The following EXTL2 variants were observed in gnomAD, a reference collection of about 807,000 sequenced individuals.
EXTL2 encodes exostosin like glycosyltransferase 2, also known as exostosin-like 2.
In EXTL2, 23 loss-of-function variants were observed where a neutral mutation model predicts 30.7. The ratio of observed to expected loss-of-function variants is 0.75; its 90% CI spans 0.54 to 1.06. EXTL2 has a LOEUF of 1.06. EXTL2 is among the 50% of genes least tolerant of loss of function. The pLI is 0.00. For synonymous variants in EXTL2, 123 were observed against 133.8 expected (o/e 0.92, Z 0.56); for missense variants, 352 against 396.3 (o/e 0.89, Z 0.95).
chr1:100,892,224 C>G (rs1650483783), intron 1 of EXTL2, among the ~76,000 whole-genome samples: 1 of 152,158 alleles, frequency 6.6e-6, no homozygotes, highest in African/African-American at 2.4e-5. Context: ...TCAGGAAGAC[C>G]CACTCACAAT....
intron 2 of EXTL2, among the ~76,000 whole-genome samples, chr1:100,883,560 A>C (rs1330375486): frequency 6.6e-6 from 1 of 152,218 alleles, no homozygotes; most frequent in African/African-American, 2.4e-5. Context: ...TGCTGTATAT[A>C]TCATGAGGTA....
At chr1:100,886,146 G>C (rs1570469518) in intron 2 of EXTL2, among the ~76,000 whole-genome samples, 1 of 152,108 alleles carries the variant, frequency 6.6e-6, no homozygotes, top group African/African-American at 2.4e-5. Context: ...CTTTTCTATT[G>C]ACAATAGAAT....
intron 4 of EXTL2, among the ~76,000 whole-genome samples, chr1:100,876,113 G>A (rs1470645820): frequency 1.3e-5 from 2 of 152,060 alleles, no homozygotes; most frequent in African/African-American, 2.4e-5. Flanking sequence ...TTACTGGGTA[G>A]CACAGTGTTT....
At chr1:100,878,063 T>A (rs1430250748) in intron 2 of EXTL2, among the ~76,000 whole-genome samples, 160 bp from the exon 3 acceptor site, 1 of 152,124 alleles carries the variant, frequency 6.6e-6, no homozygotes, top group Non-Finnish European at 1.5e-5. Context: ...TAAGAGATTT[T>A]AAAAAACCAG....
Position 100,874,357 on chromosome 1 carries a change from C to G in EXTL2, c.578G>C (p.Gly193Ala). 6.2e-7 allele frequency: 1 copy of G among 1,612,686 alleles called. No homozygotes were observed. Among genetic ancestry groups the G allele is most frequent in the Non-Finnish European group, 8.5e-7 (1 of 1,179,228 alleles). Reference protein sequence around the residue: ...VSTSSGIYSYGSFEMQAPGSG... With the variant: ...VSTSSGIYSYASFEMQAPGSG... ...CCCTGGTGCTTGCATTTCAAAACTT[C>G]CATAACTGTAGATACCTGATGAAGT... The change falls in exon 5 of 5, where the codon GGA becomes GCA. Residue 193 changes from glycine (G) to alanine (A), a missense_variant. Transcript: ENST00000370114.
At chr1:100,892,643 A>G (rs1650521206) in intron 1 of EXTL2, among the ~76,000 whole-genome samples, 1 of 152,168 alleles carries the variant, frequency 6.6e-6, no homozygotes, top group Non-Finnish European at 1.5e-5. Context: ...CTGTCCCTCC[A>G]GAGAACCCTA....
At chr1:100,875,350 C>T (rs1325671277) in intron 4 of EXTL2, among the ~76,000 whole-genome samples, 4 of 151,680 alleles carry the variant, frequency 2.6e-5, no homozygotes, top group African/African-American at 9.7e-5. Flanking sequence ...AAATACAATA[C>T]TGTGAGAAAG....
At chr1:100,880,521 A>G (rs569274722) in intron 2 of EXTL2, among the ~76,000 whole-genome samples, 1 of 152,338 alleles carries the variant, frequency 6.6e-6, no homozygotes, top group Non-Finnish European at 1.5e-5. Context: ...TTACAAGGAT[A>G]ATAACTTAAA....
intron 2 of EXTL2, among the ~76,000 whole-genome samples, chr1:100,882,535 CG>C (rs1649642211): frequency 6.6e-6 from 1 of 152,218 alleles, no homozygotes; most frequent in Non-Finnish European, 1.5e-5. Context: ...AAAACTGCCC[CG>C]GGAGGCCCAG....
At chr1:100,883,952 A>G (rs1649761684) in intron 2 of EXTL2, among the ~76,000 whole-genome samples, 1 of 152,214 alleles carries the variant, frequency 6.6e-6, no homozygotes, top group South Asian at 2.1e-4. Flanking sequence ...TAAATGGACC[A>G]GGCAATTTGA....
intron 1 of EXTL2, among the ~76,000 whole-genome samples, chr1:100,889,684 G>A (rs1290177629): frequency 6.6e-6 from 1 of 152,204 alleles, no homozygotes; most frequent in Non-Finnish European, 1.5e-5. Context: ...AGGGGCCACA[G>A]GCCCCATGCA....
At chr1:100,881,298 GA>G (rs1379437543) in intron 2 of EXTL2, among the ~76,000 whole-genome samples, 3 of 152,202 alleles carry the variant, frequency 2.0e-5, no homozygotes, top group South Asian at 4.1e-4. Flanking sequence ...ACAATTTGGA[GA>G]ATAATGATGA....
chr1:100,877,481 G>C lies in EXTL2; in HGVS notation c.428C>G (p.Thr143Ser). The C allele has an allele frequency of 6.3e-7, 1 of 1,588,330 alleles. No homozygotes were observed. Among genetic ancestry groups the C allele is most frequent in the Non-Finnish European group, 8.6e-7 (1 of 1,167,480 alleles). The change falls in exon 3 of 5, where the codon ACC becomes AGC. Residue 143 changes from threonine (T) to serine (S), a missense_variant. Transcript: ENST00000370114. The surrounding 1 kb of genome is among the most constrained non-coding windows in gnomAD (Gnocchi z 4.1). ...NRLQVFPELE[T>S]NAVLMVDDDT... The stretch of plus-strand genomic sequence containing the variant: ...AGAACTACACTGCAACTCACCATTG[G>C]TTTCCAGTTCAGGAAAGACCTGGAG...
Position 100,876,005 on chromosome 1 carries a change from A to C in EXTL2, c.504+789T>G, listed in dbSNP as rs188716504. 5.3e-3 allele frequency among the ~76,000 whole-genome samples: 812 copies of C among 152,228 alleles called. 1 individual carries two copies. The highest frequency in any genetic ancestry group is 7.0e-3 in the Non-Finnish European group (475 of 67,988). On this transcript the variant is annotated intron_variant, in intron 4 of 4. Coordinates refer to ENST00000370114, the MANE Select transcript of EXTL2 (RefSeq NM_001033025.3). ...AAAAACTGAAGTTTTAAAAATGCTG[A>C]TATCTGCTGAGTATTGTGATCACTT...
chr1:100,887,782 C>A (rs1306270407), intron 2 of EXTL2, among the ~76,000 whole-genome samples: 1 of 152,080 alleles, frequency 6.6e-6, no homozygotes, highest in African/African-American at 2.4e-5. Context: ...CGGCTCACTG[C>A]AAGCTCCGCC....
In EXTL2 at chr1:100,874,438, G is replaced by A. The variant is rs770304647; in HGVS notation, c.505-8C>T. On this transcript the variant is annotated splice_polypyrimidine_tract_variant and splice_region_variant and intron_variant, in intron 4 of 4. Coordinates refer to ENST00000370114, the MANE Select transcript of EXTL2 (RefSeq NM_001033025.3). ...AATTTGATCAGGAAATTGCTGAAAAGAGGGAAAAAGAACAATAAAATGTCA... is the reference window on the plus strand; with the variant it reads ...AATTTGATCAGGAAATTGCTGAAAAAAGGGAAAAAGAACAATAAAATGTCA... 24 of 1,563,882 alleles carry A rather than the reference G, an allele frequency of 1.5e-5. No homozygotes were observed. The highest frequency in any genetic ancestry group is 2.1e-5 in the Non-Finnish European group (24 of 1,155,232).
At chr1:100,889,361 G>A (rs766996735) in intron 1 of EXTL2, among the ~76,000 whole-genome samples, 6 of 152,176 alleles carry the variant, frequency 3.9e-5, no homozygotes, top group Non-Finnish European at 8.8e-5. Context: ...CCCACAACAA[G>A]TGGGGATTAT....
Position 100,877,823 on chromosome 1 carries a change from A to C in EXTL2, c.86T>G (p.Leu29Ter). The change falls in exon 3 of 5, where the codon TTA becomes TGA. Residue 29 changes from leucine to a stop codon, truncating the protein, a stop_gained. Coordinates refer to ENST00000370114, the MANE Select transcript of EXTL2 (RefSeq NM_001033025.3). LOFTEE classifies it high-confidence loss of function. This position sits in a 1 kb window ranked among gnomAD's most constrained non-coding sequence, Gnocchi z 4.1. ...LRLSLVVILV[L>*]LLVAGALTAL... is the part of the protein sequence containing the mutation. ...AGTCAAAGCACCAGCTACCAGTAAT[A>C]ATACGAGGATGACCACCAAAGATAA... 6.2e-7 allele frequency: 1 copy of C among 1,604,664 alleles called. No individual in the cohort carries two copies.
At chr1:100,876,941 T>A (rs2295280) in intron 3 of EXTL2, 77 bp from the exon 4 acceptor site, 1 of 888,500 alleles carries the variant, frequency 1.1e-6, no homozygotes, top group Non-Finnish European at 1.9e-6. Flanking sequence ...ATAGTGTCTA[T>A]ATAGATCATT....
Sources: gnomAD v4.1 joint callset for allele counts (sites outside exome capture counted in the v4.1 genomes callset) on GRCh38, gnomAD v4.1.1 for gene constraint, Gnocchi (gnomAD v3.1) non-coding constraint, MANE v1.5 for transcripts, NCBI Gene and HGNC (gene_info 2026-07-23, HGNC 2026-07-21) for gene names.